Variants in CMAS observed in about 807,000 individuals in gnomAD.
The protein encoded by CMAS is N-acylneuraminate cytidylyltransferase.
CMAS carries 21 observed loss-of-function variants against 53.4 expected under a neutral mutation model. The observed-to-expected ratio is 0.39, with a 90% CI of 0.28 to 0.57. The LOEUF is 0.57. Ranked by LOEUF, CMAS falls within the 20% of genes least tolerant of loss-of-function variation. The probability of loss-of-function intolerance (pLI) is 0.56; values close to 1 mark genes in which losing one functional copy is unlikely to be tolerated. For synonymous variants in CMAS, 189 were observed against 195.2 expected (o/e 0.97, Z 0.27); for missense variants, 384 against 534.9 (o/e 0.72, Z 2.78).
chr12:22,061,325 T>C lies in CMAS; in HGVS notation c.833T>C (p.Leu278Ser). Residue 278 changes from leucine to serine, a missense_variant, in exon 6 of 8, where the codon TTG becomes TCG. Leu to Ser is a moderately radical substitution (Grantham distance 145). Around this residue, in one of 3 missense-constraint regions of CMAS, gnomAD observed 139 missense variants for 248.0 expected, o/e 0.56. Coordinates refer to ENST00000229329, the MANE Select transcript of CMAS (RefSeq NM_018686.6). ...GAGAAGCTTAAGGAAATAAAACTTTTGGTTTGCAATATTGATGGATGTCTC... is the reference window on the plus strand; with the variant it reads ...GAGAAGCTTAAGGAAATAAAACTTTCGGTTTGCAATATTGATGGATGTCTC... ...GKEKLKEIKLLVCNIDGCLTN... is the reference protein window; with the variant it reads ...GKEKLKEIKLSVCNIDGCLTN... 5.6e-6 allele frequency: 9 copies of C among 1,611,904 alleles called. No individual in the cohort carries two copies. Among genetic ancestry groups the C allele is most frequent in the Non-Finnish European group, 6.8e-6 (8 of 1,179,218 alleles).
In CMAS at chr12:22,046,363, C is replaced by T; in HGVS notation, c.60C>T (p.Ser20=). The change falls in exon 1 of 8, where the codon TCC becomes TCT. Residue 20 remains serine, a synonymous_variant. Coordinates refer to ENST00000229329, the MANE Select transcript of CMAS (RefSeq NM_018686.6). The stretch of plus-strand genomic sequence containing the variant: ...TCTCCAACCCGCGGGGGCGACCGTC[C>T]CGGGGCCGGCCGCCGAAGCTGCAGC... The part of the protein sequence containing the change: ...TSVSNPRGRP[S]RGRPPKLQRN... 9.7e-6 allele frequency: 15 copies of T among 1,549,844 alleles called. No homozygotes were observed. The highest frequency in any genetic ancestry group is 1.3e-5 in the Non-Finnish European group (15 of 1,147,884).
At chr12:22,062,124 G>A (rs569122640) in intron 6 of CMAS, among the ~76,000 whole-genome samples, 157 bp from the exon 7 acceptor site, 212 of 152,150 alleles carry the variant, frequency 1.4e-3, no homozygotes, top group African/African-American at 4.6e-3. Context: ...ATTTTAATTC[G>A]ACAGTCAGTT....
At chr12:22,055,372 A>G in intron 2 of CMAS, 81 bp downstream of exon 2, 1 of 1,481,570 alleles carries the variant, frequency 6.7e-7, no homozygotes, top group Admixed American at 2.4e-5. Context: ...TTGTTTTAAC[A>G]TTTGAATTCC....
In CMAS at chr12:22,065,372, T is replaced by TTTGA. The variant is rs1950340318; in HGVS notation, c.*64_*67dup. ...CTTCTTCAGCCAGTTTGCTTTTATT[T>TTTGA]TTGATTAAGTAAATTCCATGTTGTA... is the stretch of plus-strand genomic sequence containing the variant. On this transcript the variant is annotated 3_prime_UTR_variant, in exon 8 of 8. Coordinates refer to ENST00000229329, the MANE Select transcript of CMAS (RefSeq NM_018686.6). The TTTGA allele has an allele frequency of 1.4e-5, 18 of 1,303,512 alleles. No homozygotes were observed. In the East Asian group the frequency reaches 3.7e-4, roughly 27 times the overall value. The allele number at this position is 1,303,512 out of a possible 1,614,324, so 80.7% of individuals were successfully genotyped here.
At chr12:22,047,769 G>T (rs1049881566) in intron 1 of CMAS, among the ~76,000 whole-genome samples, 5 of 152,028 alleles carry the variant, frequency 3.3e-5, no homozygotes, top group African/African-American at 1.2e-4. Flanking sequence ...CATGTCCAAG[G>T]GAATACCAAG....
At chr12:22,048,604 A>G (rs1322719646) in intron 1 of CMAS, among the ~76,000 whole-genome samples, 2 of 152,250 alleles carry the variant, frequency 1.3e-5, no homozygotes, top group Non-Finnish European at 2.9e-5. Flanking sequence ...CAATTAGTTT[A>G]GAAAGCTTGC....
intron 1 of CMAS, among the ~76,000 whole-genome samples, chr12:22,049,674 GGCCGAAGGCA>G (rs1203688863): frequency 6.6e-6 from 1 of 152,152 alleles, no homozygotes; most frequent in African/African-American, 2.4e-5. Flanking sequence ...CACTTTAGGA[GGCCGAAGGCA>G]GGCGGAGGCC....
intron 1 of CMAS, among the ~76,000 whole-genome samples, chr12:22,050,938 G>C (rs966658904): frequency 3.3e-5 from 5 of 151,852 alleles, no homozygotes; most frequent in African/African-American, 1.2e-4. Context: ...GAAGCTGTAA[G>C]AGGACTTTGG....
chr12:22,048,483 G>A (rs978290027), intron 1 of CMAS, among the ~76,000 whole-genome samples: 2 of 152,134 alleles, frequency 1.3e-5, no homozygotes, highest in South Asian at 4.2e-4. Flanking sequence ...ATGTCCCTAG[G>A]ATGATCTCAG....
At chr12:22,061,796 T>C (rs1950309698) in intron 6 of CMAS, among the ~76,000 whole-genome samples, 1 of 152,168 alleles carries the variant, frequency 6.6e-6, no homozygotes, top group African/African-American at 2.4e-5. Context: ...ATTTTTAAAA[T>C]CTAGCTTATT....
chr12:22,046,981 T>G (rs1950211353), intron 1 of CMAS, among the ~76,000 whole-genome samples: 1 of 152,154 alleles, frequency 6.6e-6, no homozygotes, highest in Non-Finnish European at 1.5e-5. Flanking sequence ...TGATAACTGC[T>G]TGGTGCTGCT....
intron 1 of CMAS, among the ~76,000 whole-genome samples, chr12:22,054,668 G>T (rs1276760345): frequency 6.6e-6 from 1 of 151,494 alleles, no homozygotes; most frequent in Non-Finnish European, 1.5e-5. Context: ...CAATATTTTG[G>T]ATTTGGATGG....
At chr12:22,049,508 A>G (rs1950226723) in intron 1 of CMAS, among the ~76,000 whole-genome samples, 1 of 152,214 alleles carries the variant, frequency 6.6e-6, no homozygotes. Flanking sequence ...TTCTGTACCA[A>G]GTAGTTTTAT....
At chr12:22,051,214 A>T (rs1202507845) in intron 1 of CMAS, among the ~76,000 whole-genome samples, 1 of 152,128 alleles carries the variant, frequency 6.6e-6, no homozygotes, top group East Asian at 1.9e-4. Flanking sequence ...TGCTGAGATA[A>T]TTTTTTTTCC....
rs1306853128 is a variant in CMAS, at chr12:22,065,398, A to ATGTTACAGAGAGTGTGATT, written c.*90_*108dup. ...TTGATTAAGTAAATTCCATGTTGTA[A>ATGTTACAGAGAGTGTGATT]TGTTACAGAGAGTGTGATTTGGTTT... On this transcript the variant is annotated 3_prime_UTR_variant, in exon 8 of 8. Coordinates refer to ENST00000229329, the MANE Select transcript of CMAS (RefSeq NM_018686.6). 9.8e-7 allele frequency: 1 copy of ATGTTACAGAGAGTGTGATT among 1,021,108 alleles called. No homozygotes were observed. Among genetic ancestry groups the ATGTTACAGAGAGTGTGATT allele is most frequent in the African/African-American group, 1.6e-5 (1 of 63,308 alleles). The allele number at this position is 1,021,108 out of a possible 1,614,324, so 63.3% of individuals were successfully genotyped here. A position where few individuals can be genotyped will look rare whatever the true frequency, so the allele number is the denominator to read the frequency against.
At chr12:22,048,352 A>G (rs562981340) in intron 1 of CMAS, among the ~76,000 whole-genome samples, 1 of 152,284 alleles carries the variant, frequency 6.6e-6, no homozygotes, top group South Asian at 2.1e-4. Flanking sequence ...TAGACCCTTT[A>G]TGGTTTCAAG....
intron 1 of CMAS, among the ~76,000 whole-genome samples, chr12:22,048,453 G>T (rs1950220217): frequency 6.6e-6 from 1 of 152,004 alleles, no homozygotes; most frequent in Non-Finnish European, 1.5e-5. Context: ...CCCTAGCATG[G>T]CTTCTAGCAG....
chr12:22,064,946 C>T (rs1182227806), intron 7 of CMAS, among the ~76,000 whole-genome samples, 175 bp from the exon 8 acceptor site: 1 of 152,164 alleles, frequency 6.6e-6, no homozygotes, highest in Non-Finnish European at 1.5e-5. Context: ...AAACCCTGGA[C>T]CTCAATTATA....
At chr12:22,061,582 C>T in intron 6 of CMAS, 130 bp downstream of exon 6, 1 of 521,500 alleles carries the variant, frequency 1.9e-6, no homozygotes, top group East Asian at 3.4e-5. Context: ...CTTCATACGC[C>T]TAGAAAATTA....
Sources: allele counts gnomAD v4.1 joint callset (sites outside exome capture counted in the v4.1 genomes callset), GRCh38; gene constraint gnomAD v4.1.1; regional missense constraint gnomAD v4.1.1; transcripts MANE v1.5; gene names NCBI Gene and HGNC (gene_info 2026-07-23, HGNC 2026-07-21).